Variants in NOXO1 observed in about 807,000 individuals in gnomAD.
The protein encoded by NOXO1 is NADPH oxidase organizer 1, also known as NADPH oxidase regulatory protein.
In NOXO1, 38 loss-of-function variants were observed where a neutral mutation model predicts 33.3. That is an observed-to-expected ratio of 1.14 (90% CI 0.88 to 1.50). The LOEUF (loss-of-function observed/expected upper bound fraction) is 1.50, where lower values mean the gene tolerates loss of function less well. Ranked by LOEUF, NOXO1 falls within the 40% of genes most tolerant of loss-of-function variation. NOXO1 has a pLI of 0.00. For missense variants in NOXO1, 675 were observed against 527.1 expected (o/e 1.28, Z -2.75); for synonymous variants, 302 against 237.3 (o/e 1.27, Z -2.51).
Position 1,979,899 on chromosome 16 carries a change from C to T in NOXO1, c.591G>A (p.Trp197Ter), listed in dbSNP as rs1288785354. ...LDVLLRHPSG[W>*]WLVENEDRQT... Reference sequence around the variant, plus strand: ...GCCGGTCTTCGTTCTCCACCAGCCACCAGCCTGTGCGCAAGAAGCGGGCAG... The same window carrying T: ...GCCGGTCTTCGTTCTCCACCAGCCATCAGCCTGTGCGCAAGAAGCGGGCAG... The change falls in exon 6 of 8, where the codon TGG (tryptophan) becomes TGA (stop). Residue 197 changes from tryptophan (W) to a stop codon, truncating the protein, a stop_gained. Transcript: ENST00000356120. LOFTEE classifies it high-confidence loss of function. 4 of 1,582,958 alleles carry T rather than the reference C, an allele frequency of 2.5e-6. No individual in the cohort carries two copies. The highest frequency in any genetic ancestry group is 3.4e-6 in the Non-Finnish European group (4 of 1,165,296).
Position 1,981,197 on chromosome 16 carries a change from T to G in NOXO1, c.-18A>C. ...CCTGCCATGGCTGTGGCTTCCAGGCTGCAGATTCCTGAAATGGGCGAGGAC... is the reference window on the plus strand; with the variant it reads ...CCTGCCATGGCTGTGGCTTCCAGGCGGCAGATTCCTGAAATGGGCGAGGAC... On this transcript the variant is annotated 5_prime_UTR_variant, in exon 1 of 8. Coordinates refer to ENST00000356120, the MANE Select transcript of NOXO1 (RefSeq NM_172167.3). 6.2e-7 allele frequency: 1 copy of G among 1,613,408 alleles called. No individual in the cohort carries two copies. Among genetic ancestry groups the G allele is most frequent in the East Asian group, 2.2e-5 (1 of 44,880 alleles).
At position 1,979,073 on chromosome 16, in the gene NOXO1, C is replaced by A; in HGVS notation, c.1095G>T (p.Pro365=). 6.5e-7 allele frequency: 1 copy of A among 1,539,068 alleles called. No individual in the cohort carries two copies. Residue 365 remains proline (P), a synonymous_variant, in exon 8 of 8, where the codon CCG becomes CCT. Transcript: ENST00000356120. Reference sequence around the variant, plus strand: ...GCGCTCACTGCTCCGTCGTGGGGTGCGGCACAGAGTCCACGCACCCTCGAG... The same window carrying A: ...GCGCTCACTGCTCCGTCGTGGGGTGAGGCACAGAGTCCACGCACCCTCGAG... ...GRPRGCVDSV[P]HPTTEQ
intron 2 of NOXO1, 66 bp from the exon 3 acceptor site, chr16:1,980,797 C>T: frequency 2.0e-6 from 3 of 1,515,592 alleles, no homozygotes; most frequent in South Asian, 1.2e-5. Flanking sequence ...GGGCGGGGTC[C>T]CTCACCCGGA....
Position 1,979,126 on chromosome 16 carries a change from C to T in NOXO1, c.1042G>A (p.Glu348Lys). 1.3e-6 allele frequency: 2 copies of T among 1,483,648 alleles called. No individual in the cohort carries two copies. Among genetic ancestry groups the T allele is most frequent in the Non-Finnish European group, 1.8e-6 (2 of 1,130,270 alleles). 91.9% of individuals were successfully genotyped at this position (1,483,648 alleles called of 1,614,324 possible). ...CGGCCCTGGCGCCGTGGGCGCCGCT[C>T]CAGGGCCCTGCGTGTGACGGTGCAG... ...RCCTVTRRAL[E>K]RRPRRQGRPR... Residue 348 changes from glutamate (E) to lysine (K), a missense_variant, in exon 8 of 8, where the codon GAG becomes AAG. By Grantham distance (56) the Glu-to-Lys change is moderately conservative. Transcript: ENST00000356120.
At position 1,981,165 on chromosome 16, in the gene NOXO1, T is replaced by C. The variant is rs746372065; in HGVS notation, c.15A>G (p.Arg5=). The change falls in exon 1 of 8, where the codon CGA becomes CGG. Residue 5 remains arginine, a synonymous_variant. Transcript: ENST00000356120. ...CTGCCCCTTGCACTGAAACTGGGTA[T>C]CGGGGGCCTGCCATGGCTGTGGCTT... MAGP[R]YPVSVQGAAL... The C allele has an allele frequency of 1.5e-5, 25 of 1,613,542 alleles. No homozygotes were observed. The highest frequency in any genetic ancestry group is 2.0e-5 in the Non-Finnish European group (24 of 1,180,012).
chr16:1,981,111 T>C lies in NOXO1; in HGVS notation c.66+3A>G. On this transcript the variant is annotated splice_donor_region_variant and intron_variant, in intron 1 of 7. Transcript: ENST00000356120. ...GGCCACTAAGGACCCAGCCAGGTCT[T>C]ACTTGGAGCCTCTTGATCTGCACCA... 6.2e-7 allele frequency: 1 copy of C among 1,613,386 alleles called. No homozygotes were observed. Among genetic ancestry groups the C allele is most frequent in the South Asian group, 1.1e-5 (1 of 91,084 alleles).
At chr16:1,980,302 C>G (rs915941323) in intron 4 of NOXO1, 65 bp downstream of exon 4, 13 of 1,539,232 alleles carry the variant, frequency 8.4e-6, no homozygotes, top group Admixed American at 7.4e-5. Context: ...CTGTTCCCCC[C>G]CACCCTGGAC....
chr16:1,979,768 AGGGGT>A lies in NOXO1; in HGVS notation c.700+17_700+21del. The stretch of plus-strand genomic sequence containing the variant: ...ACGGTCAAGCCGCAGTGGTGGCGTG[AGGGGT>A]GGGGTTAGGCGCATACCGCTGCTCC... On this transcript the variant is annotated intron_variant, in intron 6 of 7. Transcript: ENST00000356120. 6.8e-7 allele frequency: 1 copy of A among 1,479,190 alleles called. No homozygotes were observed. Among genetic ancestry groups the A allele is most frequent in the South Asian group, 1.3e-5 (1 of 79,864 alleles). 91.6% of individuals were successfully genotyped at this position (1,479,190 alleles called of 1,614,324 possible).
intron 4 of NOXO1, 76 bp from the exon 5 acceptor site, chr16:1,980,257 C>T (rs1293662104): frequency 3.7e-5 from 56 of 1,519,092 alleles, no homozygotes; most frequent in Non-Finnish European, 4.9e-5. Context: ...CCCGGCAAGA[C>T]CGCCAGCCTC....
chr16:1,979,821 G>A lies in NOXO1; in HGVS notation c.669C>T (p.Gly223=), dbSNP rs1387951065. ...PYLEEAAPGQ[G]REGGPSLGSS... is the part of the protein sequence containing the mutation. ...TCCCTAGGGACGGGCCTCCCTCCCG[G>A]CCTTGGCCCGGGGCCGCCTCCTCCA... Residue 223 remains glycine, a synonymous_variant, in exon 6 of 8, where the codon GGC becomes GGT. Transcript: ENST00000356120. 9 of 1,566,918 alleles carry A rather than the reference G, an allele frequency of 5.7e-6. No homozygotes were observed. Among genetic ancestry groups the A allele is most frequent in the Non-Finnish European group, 7.8e-6 (9 of 1,157,652 alleles).
chr16:1,980,873 TCCAGTGGGAGGCAG>T, intron 2 of NOXO1, 52 bp downstream of exon 2: 1 of 1,156,972 alleles, frequency 8.6e-7, no homozygotes. Flanking sequence ...TGGGAGGCAG[TCCAGTGGGAGGCAG>T]CCGCGTGGGG....
In NOXO1 at chr16:1,980,793, G is replaced by A. The variant is rs1166229961; in HGVS notation, c.148-62C>T. The A allele has an allele frequency of 2.0e-6, 3 of 1,516,458 alleles. No homozygotes were observed. The South Asian group carries it at 3.5e-5, about 18-fold the overall frequency. The allele number at this position is 1,516,458 out of a possible 1,614,324, so 93.9% of individuals were successfully genotyped here. A position where few individuals can be genotyped will look rare whatever the true frequency, so the allele number is the denominator to read the frequency against. ...CCACTGTGCACCCTTGAGAGGGCGG[G>A]GTCCCTCACCCGGATGGCAGGGGCT... is the stretch of plus-strand genomic sequence containing the variant. On this transcript the variant is annotated intron_variant, in intron 2 of 7. Coordinates refer to ENST00000356120, the MANE Select transcript of NOXO1 (RefSeq NM_172167.3).
Position 1,981,167 on chromosome 16 carries a change from G to C in NOXO1, c.13C>G (p.Arg5Gly). ...GCCCCTTGCACTGAAACTGGGTATC[G>C]GGGGCCTGCCATGGCTGTGGCTTCC... MAGP[R>G]YPVSVQGAAL... Residue 5 changes from arginine (R) to glycine (G), a missense_variant, in exon 1 of 8, where the codon CGA becomes GGA. Coordinates refer to ENST00000356120, the MANE Select transcript of NOXO1 (RefSeq NM_172167.3). The C allele has an allele frequency of 6.2e-7, 1 of 1,613,574 alleles. No individual in the cohort carries two copies. Among genetic ancestry groups the C allele is most frequent in the Non-Finnish European group, 8.5e-7 (1 of 1,179,982 alleles).
chr16:1,979,476 C>T lies in NOXO1; in HGVS notation c.767G>A (p.Gly256Glu), dbSNP rs2083452719. Residue 256 changes from glycine (G) to glutamate (E), a missense_variant, in exon 7 of 8, where the codon GGG becomes GAG. Gly to Glu is a moderately conservative substitution (Grantham distance 98, BLOSUM62 -2). Transcript: ENST00000356120. ...SRADELSVPAGARVRVLETSD... is the reference protein window; with the variant it reads ...SRADELSVPAEARVRVLETSD... ...CGTTTCCAACACGCGCACGCGCGCC[C>T]CCGCGGGCACGGACAGCTCATCTGC... 6.2e-7 allele frequency: 1 copy of T among 1,611,908 alleles called. No homozygotes were observed. Among genetic ancestry groups the T allele is most frequent in the Non-Finnish European group, 8.5e-7 (1 of 1,179,560 alleles).
Position 1,979,104 on chromosome 16 carries a change from C to A in NOXO1, c.1064G>T (p.Gly355Val). 2.7e-6 allele frequency: 4 copies of A among 1,497,864 alleles called. No individual in the cohort carries two copies. The highest frequency in any genetic ancestry group is 3.5e-6 in the Non-Finnish European group (4 of 1,139,042). 92.8% of individuals were successfully genotyped at this position (1,497,864 alleles called of 1,614,324 possible). A position where few individuals can be genotyped will look rare whatever the true frequency, so the allele number is the denominator to read the frequency against. Residue 355 changes from glycine to valine, a missense_variant, in exon 8 of 8, where the codon GGC (glycine) becomes GTC (valine). By Grantham distance (109) the Gly-to-Val change is moderately radical. Transcript: ENST00000356120. ...AGAGTCCACGCACCCTCGAGGGCGGCCCTGGCGCCGTGGGCGCCGCTCCAG... is the reference window on the plus strand; with the variant it reads ...AGAGTCCACGCACCCTCGAGGGCGGACCTGGCGCCGTGGGCGCCGCTCCAG... ...RALERRPRRQ[G>V]RPRGCVDSVP... is the part of the protein sequence containing the mutation.
chr16:1,981,100 C>G lies in NOXO1; in HGVS notation c.66+14G>C, dbSNP rs764118739. ...CTATCCCTTGGGGCCACTAAGGACC[C>G]AGCCAGGTCTTACTTGGAGCCTCTT... On this transcript the variant is annotated intron_variant, in intron 1 of 7. Coordinates refer to ENST00000356120, the MANE Select transcript of NOXO1 (RefSeq NM_172167.3). 10 of 1,612,898 alleles carry G rather than the reference C, an allele frequency of 6.2e-6. No homozygotes were observed. The South Asian group carries it at 8.8e-5, about 14-fold the overall frequency.
chr16:1,979,583 A>C (rs760426410), intron 6 of NOXO1, 41 bp from the exon 7 acceptor site: 1 of 1,513,762 alleles, frequency 6.6e-7, no homozygotes. Context: ...GGGGCCACAG[A>C]GGACGAGGCC....
At position 1,978,969 on chromosome 16, in the gene NOXO1, C is replaced by G. The variant is rs375947732; in HGVS notation, c.*83G>C. ...AACAGCAAATGGCCCCCTCCCATCC[C>G]TGCTGGCCAGGGAGATCCGCCCTCC... On this transcript the variant is annotated 3_prime_UTR_variant, in exon 8 of 8. Transcript: ENST00000356120. 7 of 1,363,122 alleles carry G rather than the reference C, an allele frequency of 5.1e-6. No individual in the cohort carries two copies. In the African/African-American group the frequency reaches 8.8e-5, roughly 17 times the overall value. The allele number at this position is 1,363,122 out of a possible 1,614,324, so 84.4% of individuals were successfully genotyped here.
Position 1,980,133 on chromosome 16 carries a change from C to A in NOXO1, c.450G>T (p.Ala150=). 1 of 1,606,432 alleles carries A rather than the reference C, an allele frequency of 6.2e-7. No individual in the cohort carries two copies. Among genetic ancestry groups the A allele is most frequent in the Non-Finnish European group, 8.5e-7 (1 of 1,178,500 alleles). Residue 150 remains alanine, a synonymous_variant, in exon 5 of 8, where the codon GCG becomes GCT. Coordinates refer to ENST00000356120, the MANE Select transcript of NOXO1 (RefSeq NM_172167.3). ...TPEEQPLSRA[A]GRLSIHSLEA... ...CCAGACTGTGGATGGAGAGGCGGCC[C>A]GCAGCGCGAGAAAGAGGCTGCTCCT...
Sources: gnomAD v4.1 joint callset for allele counts on GRCh38, gnomAD v4.1.1 for gene constraint, MANE v1.5 for transcripts, NCBI Gene and HGNC (gene_info 2026-07-23, HGNC 2026-07-21) for gene names.